The following MARCHF1 variants were observed in gnomAD, a reference collection of about 807,000 sequenced individuals.
MARCHF1 encodes E3 ubiquitin-protein ligase MARCHF1.
Under a neutral mutation model 54.2 loss-of-function variants are expected in MARCHF1, and 40 were observed. The observed-to-expected ratio is 0.74, with a 90% CI of 0.57 to 0.96. MARCHF1 has a LOEUF of 0.96. Among genes scored for constraint, MARCHF1 ranks in the 40% least tolerant of loss-of-function variants. The pLI, the probability that MARCHF1 is intolerant of heterozygous loss-of-function variation, is 0.00. For synonymous variants in MARCHF1, 236 were observed against 236.3 expected (o/e 1.00, Z 0.01); for missense variants, 586 against 656.5 (o/e 0.89, Z 1.17).
intron 9 of MARCHF1, among the ~76,000 whole-genome samples, chr4:163,540,710 A>T (rs1379357485): frequency 6.6e-6 from 1 of 152,210 alleles, no homozygotes; most frequent in Non-Finnish European, 1.5e-5. Context: ...TGAGCTTCAG[A>T]GTGATTAATC....
intron 1 of MARCHF1, among the ~76,000 whole-genome samples, chr4:164,184,757 A>G (rs1579603492): frequency 6.6e-6 from 1 of 152,198 alleles, no homozygotes; most frequent in South Asian, 2.1e-4. Context: ...GCCTCATCAG[A>G]CCTGTCCTTG....
chr4:163,931,052 T>C (rs1402031403), intron 3 of MARCHF1, among the ~76,000 whole-genome samples: 1 of 152,072 alleles, frequency 6.6e-6, no homozygotes, highest in African/African-American at 2.4e-5. Context: ...ATCCCATAAG[T>C]TTGCTGGCTT....
intron 4 of MARCHF1, among the ~76,000 whole-genome samples, chr4:163,788,866 C>G (rs1458888430): frequency 6.6e-6 from 1 of 152,016 alleles, no homozygotes; most frequent in Non-Finnish European, 1.5e-5. Flanking sequence ...GCAATCTCAA[C>G]AAATTGGTGG....
intron 4 of MARCHF1, among the ~76,000 whole-genome samples, chr4:163,780,775 C>T (rs762420864): frequency 1.3e-5 from 2 of 152,160 alleles, no homozygotes; most frequent in East Asian, 1.9e-4. Context: ...ACCATCTCTT[C>T]GGTGGGAAAA....
chr4:164,345,494 C>T (rs192514527), intron 1 of MARCHF1, among the ~76,000 whole-genome samples: 14 of 151,734 alleles, frequency 9.2e-5, no homozygotes, highest in Admixed American at 3.3e-4. Flanking sequence ...TCACTTCAAC[C>T]CAGAGGTAGA....
chr4:164,245,325 A>G (rs1388539699), intron 1 of MARCHF1, among the ~76,000 whole-genome samples: 2 of 152,234 alleles, frequency 1.3e-5, no homozygotes, highest in Admixed American at 6.5e-5. Flanking sequence ...AATCCAGCAT[A>G]TAAACAGAAC....
intron 1 of MARCHF1, among the ~76,000 whole-genome samples, chr4:164,379,830 G>T (rs1731315950): frequency 6.6e-6 from 1 of 151,922 alleles, no homozygotes; most frequent in Admixed American, 6.6e-5. Flanking sequence ...ACAAAAATTA[G>T]CCAGGCATGG....
At chr4:164,142,080 T>G (rs917892751) in intron 1 of MARCHF1, among the ~76,000 whole-genome samples, 10 of 152,066 alleles carry the variant, frequency 6.6e-5, no homozygotes, top group African/African-American at 2.2e-4. Context: ...TGGAAAATCG[T>G]GTCACTCCCA....
intron 1 of MARCHF1, among the ~76,000 whole-genome samples, chr4:164,148,491 ATTTC>A (rs1036057904): frequency 2.0e-5 from 3 of 151,350 alleles, no homozygotes; most frequent in African/African-American, 7.3e-5. Flanking sequence ...CCTTTTCCTA[ATTTC>A]TTTATTCATA....
At chr4:163,886,328 GATAGATAGATAGATAGATAGAT>G (rs991345645) in intron 3 of MARCHF1, among the ~76,000 whole-genome samples, 5 of 151,114 alleles carry the variant, frequency 3.3e-5, no homozygotes, top group African/African-American at 1.2e-4. Flanking sequence ...TAGATAGATA[GATAGATAGATAGATAGATAGAT>G]ATAGATAGAT....
intron 2 of MARCHF1, among the ~76,000 whole-genome samples, chr4:164,102,802 TA>T (rs890772435): frequency 2.8e-5 from 4 of 142,202 alleles, no homozygotes; most frequent in African/African-American, 1.1e-4. Flanking sequence ...ATGCTCCAAT[TA>T]AAAGACACAG....
chr4:163,583,804 C>T (rs1042522195), intron 8 of MARCHF1: 1 of 137,752 alleles, frequency 7.3e-6, no homozygotes, highest in Non-Finnish European at 1.6e-5. Context: ...TTTGTGCTAC[C>T]ATGCCAGGTT....
chr4:163,656,708 T>C (rs965843718), intron 5 of MARCHF1, among the ~76,000 whole-genome samples: 3 of 152,190 alleles, frequency 2.0e-5, no homozygotes, highest in African/African-American at 7.2e-5. Flanking sequence ...TTATCCACCA[T>C]GATCAAGTTG....
intron 1 of MARCHF1, among the ~76,000 whole-genome samples, chr4:164,213,201 C>CTTT (rs1332383054): frequency 3.1e-5 from 4 of 128,330 alleles, no homozygotes; most frequent in South Asian, 2.5e-4. Context: ...TGGGCTTTTA[C>CTTT]TTTTATTATT....
rs1433821681 is a variant in MARCHF1 at position 164,318,627 on chromosome 4, T to C, written c.-323+65243A>G. Among the ~76,000 whole-genome samples the C allele has an allele frequency of 5.9e-5, 9 of 152,208 alleles. No individual in the cohort carries two copies. The East Asian group carries it at 1.5e-3, about 26-fold the overall frequency. On this transcript the variant is annotated intron_variant, in intron 1 of 9. Coordinates refer to ENST00000514618, the MANE Select transcript of MARCHF1 (RefSeq NM_001394959.1). Reference sequence around the variant, plus strand: ...ATGAAAAACAAGGATAATTGGCCTATAGAAATGAATGTGAATGATGACTGT... The same window carrying C: ...ATGAAAAACAAGGATAATTGGCCTACAGAAATGAATGTGAATGATGACTGT...
intron 1 of MARCHF1, among the ~76,000 whole-genome samples, chr4:164,113,339 C>G (rs1040246638): frequency 6.6e-6 from 1 of 152,008 alleles, no homozygotes; most frequent in African/African-American, 2.4e-5. Flanking sequence ...AGGTTCCCCA[C>G]ATGGCCTTTT....
chr4:164,200,233 G>A (rs1471951840), intron 1 of MARCHF1, among the ~76,000 whole-genome samples: 1 of 151,902 alleles, frequency 6.6e-6, no homozygotes, highest in Non-Finnish European at 1.5e-5. Flanking sequence ...GATTCCTAGT[G>A]TCTATTATAT....
At chr4:164,095,355 T>G (rs1249445348) in intron 2 of MARCHF1, among the ~76,000 whole-genome samples, 1 of 151,928 alleles carries the variant, frequency 6.6e-6, no homozygotes, top group Admixed American at 6.6e-5. Flanking sequence ...TGAGGTAATA[T>G]AGGTGAAAAC....
chr4:164,213,463 C>T (rs1047180641), intron 1 of MARCHF1, among the ~76,000 whole-genome samples: 12 of 151,704 alleles, frequency 7.9e-5, no homozygotes, highest in Admixed American at 7.9e-4. Context: ...TCTCAATCTC[C>T]TGACCTCATG....
Sources: gnomAD v4.1 joint callset for allele counts (sites outside exome capture counted in the v4.1 genomes callset) on GRCh38, gnomAD v4.1.1 for gene constraint, MANE v1.5 for transcripts, NCBI Gene and HGNC (gene_info 2026-07-23, HGNC 2026-07-21) for gene names.